NDST4: variants seen among roughly 807,000 people sequenced by gnomAD.
The protein encoded by NDST4 is N-heparan sulfate sulfotransferase 4.
Under a neutral mutation model 100.8 loss-of-function variants are expected in NDST4, and 63 were observed. That is an observed-to-expected ratio of 0.62 (90% CI 0.51 to 0.77). NDST4 has a LOEUF of 0.77. Ranked by LOEUF, NDST4 falls within the 30% of genes least tolerant of loss-of-function variation. The pLI is 0.00. For missense variants in NDST4, 943 were observed against 1,018.4 expected (o/e 0.93, Z 1.01); for synonymous variants, 377 against 361.8 (o/e 1.04, Z -0.48).
chr4:114,887,027 A>C (rs1178699420), intron 6 of NDST4, among the ~76,000 whole-genome samples: 2 of 152,170 alleles, frequency 1.3e-5, no homozygotes, highest in African/African-American at 2.4e-5. Flanking sequence ...GAGGTACATA[A>C]TGGCCACTAA....
chr4:114,956,516 A>C (rs1485736298), intron 4 of NDST4, among the ~76,000 whole-genome samples: 1 of 152,236 alleles, frequency 6.6e-6, no homozygotes, highest in Non-Finnish European at 1.5e-5. Context: ...GGTAGCTAAG[A>C]GGAACACTCT....
At chr4:114,860,432 A>G (rs948656203) in intron 7 of NDST4, among the ~76,000 whole-genome samples, 5 of 152,292 alleles carry the variant, frequency 3.3e-5, no homozygotes, top group East Asian at 1.9e-4. Flanking sequence ...TCTTTCTTCA[A>G]TGTAGCTTTC....
intron 4 of NDST4, among the ~76,000 whole-genome samples, chr4:114,945,422 A>T (rs1302135141): frequency 6.6e-6 from 1 of 152,114 alleles, no homozygotes; most frequent in African/African-American, 2.4e-5. Context: ...TATGGCTTGT[A>T]AAACCAGCCC....
At chr4:114,850,908 A>AGAGTCTTAGAGTCCCTTTGAGACCTTAG (rs1723662720) in intron 8 of NDST4, among the ~76,000 whole-genome samples, 1 of 152,182 alleles carries the variant, frequency 6.6e-6, no homozygotes, top group Non-Finnish European at 1.5e-5. Context: ...TGAGTCCCTT[A>AGAGTCTTAGAGTCCCTTTGAGACCTTAG]AGTCTAAGGT....
At chr4:114,935,366 A>G (rs1725606628) in intron 5 of NDST4, 32 bp from the exon 6 acceptor site, 1 of 1,510,250 alleles carries the variant, frequency 6.6e-7, no homozygotes, top group Non-Finnish European at 8.9e-7. Context: ...CAGCACATGG[A>G]CGTGATTTAA....
chr4:115,054,882 G>T (rs1461215376), intron 2 of NDST4, among the ~76,000 whole-genome samples: 2 of 152,098 alleles, frequency 1.3e-5, no homozygotes, highest in African/African-American at 2.4e-5. Flanking sequence ...GACATGGAAG[G>T]TTGCTTATTT....
chr4:115,033,146 TATATATATA>T lies in NDST4; in HGVS notation c.978+42904_978+42912del, dbSNP rs1166352917. On this transcript the variant is annotated intron_variant, in intron 2 of 13. Transcript: ENST00000264363. ...ATATATATGTGTATATATATATATA[TATATATATA>T]TATTTTTTTTTTTTTTGAAACAGGG... is the stretch of plus-strand genomic sequence containing the variant. Among the ~76,000 whole-genome samples, 152 of 130,592 alleles carry T rather than the reference TATATATATA, an allele frequency of 1.2e-3. 1 individual carries two copies. The highest frequency in any genetic ancestry group is 4.4e-3 in the African/African-American group (143 of 32,526). The allele number at this position is 130,592 out of a possible 152,430, so 85.7% of individuals were successfully genotyped here.
chr4:115,019,957 A>G (rs116017266), intron 2 of NDST4, among the ~76,000 whole-genome samples: 2,280 of 152,176 alleles, frequency 0.015, 66 homozygotes, highest in African/African-American at 0.052. Flanking sequence ...AGTCTGTGTT[A>G]TTGTGTTGTA....
At chr4:114,832,154 A>G (rs888373572) in intron 12 of NDST4, among the ~76,000 whole-genome samples, 1 of 152,234 alleles carries the variant, frequency 6.6e-6, no homozygotes, top group Non-Finnish European at 1.5e-5. Context: ...GAGGCAGGAA[A>G]AGAAAGCCAA....
At chr4:114,991,433 T>A (rs536440468) in intron 2 of NDST4, among the ~76,000 whole-genome samples, 1 of 152,158 alleles carries the variant, frequency 6.6e-6, no homozygotes, top group Non-Finnish European at 1.5e-5. Context: ...TTCTCAAATA[T>A]TTTACCACTG....
chr4:114,897,334 G>T (rs952319861), intron 6 of NDST4, among the ~76,000 whole-genome samples: 4 of 152,090 alleles, frequency 2.6e-5, no homozygotes, highest in African/African-American at 9.7e-5. Context: ...AAATCATACA[G>T]CCATTTAAGA....
chr4:114,953,386 G>T (rs1169851979), intron 4 of NDST4, among the ~76,000 whole-genome samples: 1 of 152,022 alleles, frequency 6.6e-6, no homozygotes. Flanking sequence ...CAAATAACAT[G>T]ACAATGGCTG....
chr4:115,084,883 C>T (rs889952404), intron 1 of NDST4, among the ~76,000 whole-genome samples: 3 of 152,262 alleles, frequency 2.0e-5, no homozygotes, highest in South Asian at 2.1e-4. Context: ...AGCCACCCCC[C>T]CCACAGTCCC....
At chr4:114,963,434 G>A (rs1308781903) in intron 4 of NDST4, among the ~76,000 whole-genome samples, 2 of 152,274 alleles carry the variant, frequency 1.3e-5, no homozygotes, top group African/African-American at 4.8e-5. Context: ...GAGGGAGTGG[G>A]GAGAAATGGA....
At chr4:114,992,449 T>C (rs1727061154) in intron 2 of NDST4, among the ~76,000 whole-genome samples, 1 of 151,902 alleles carries the variant, frequency 6.6e-6, no homozygotes, top group African/African-American at 2.4e-5. Flanking sequence ...CACATTACTC[T>C]TAATTAAAGT....
intron 1 of NDST4, among the ~76,000 whole-genome samples, chr4:115,080,312 T>C (rs966269897): frequency 6.6e-6 from 1 of 152,072 alleles, no homozygotes; most frequent in Non-Finnish European, 1.5e-5. Flanking sequence ...AATTTTTGTA[T>C]TTTTAGTAGA....
intron 7 of NDST4, among the ~76,000 whole-genome samples, chr4:114,853,573 G>C (rs991219970): frequency 5.1e-4 from 77 of 152,136 alleles, no homozygotes; most frequent in African/African-American, 1.8e-3. Context: ...AAATTAAAAG[G>C]ATAAAATTTT....
intron 1 of NDST4, among the ~76,000 whole-genome samples, chr4:115,077,828 G>A (rs546057679): frequency 1.1e-4 from 16 of 152,170 alleles, no homozygotes; most frequent in African/African-American, 3.9e-4. Context: ...GAGCCACTTG[G>A]CCCTCTTCAG....
intron 7 of NDST4, among the ~76,000 whole-genome samples, chr4:114,858,884 T>C (rs576900855): frequency 5.3e-5 from 8 of 152,310 alleles, no homozygotes; most frequent in African/African-American, 1.7e-4. Flanking sequence ...CTTTGGACTT[T>C]TTGTGCCAGT....
Sources: gnomAD v4.1 joint callset for allele counts (sites outside exome capture counted in the v4.1 genomes callset) on GRCh38, gnomAD v4.1.1 for gene constraint, MANE v1.5 for transcripts, NCBI Gene and HGNC (gene_info 2026-07-23, HGNC 2026-07-21) for gene names.